Variants in MGST1 observed in about 807,000 individuals in gnomAD.
The protein encoded by MGST1 is glutathione S-transferase 12.
In MGST1, 5 loss-of-function variants were observed where a neutral mutation model predicts 8.9. The ratio of observed to expected loss-of-function variants is 0.56; its 90% CI spans 0.29 to 1.19. The LOEUF (loss-of-function observed/expected upper bound fraction) is 1.19. MGST1 is among the 50% of genes most tolerant of loss of function. The probability of loss-of-function intolerance (pLI) is 0.08; values close to 1 mark genes in which losing one functional copy is unlikely to be tolerated. For synonymous variants in MGST1, 54 were observed against 67.8 expected, an observed-to-expected ratio of 0.80 and a Z score of 1.00; for missense variants, 182 against 187.4, an observed-to-expected ratio of 0.97 and a Z score of 0.17.
chr12:16,357,938 A>G (rs775624326), intron 3 of MGST1, among the ~76,000 whole-genome samples: 4 of 152,202 alleles, frequency 2.6e-5, no homozygotes, highest in Non-Finnish European at 5.9e-5. Flanking sequence ...GTTGCTGTAT[A>G]TAGGGATGTA....
intron 1 of MGST1, among the ~76,000 whole-genome samples, chr12:16,398,731 C>T (rs1261587494): frequency 6.6e-6 from 1 of 152,184 alleles, no homozygotes; most frequent in Non-Finnish European, 1.5e-5. Context: ...ACAAAGGCAC[C>T]AGCCCAATCT....
chr12:16,518,247 C>T (rs562268576), intron 4 of MGST1, among the ~76,000 whole-genome samples: 2 of 152,314 alleles, frequency 1.3e-5, no homozygotes, highest in African/African-American at 4.8e-5. Flanking sequence ...GTGCTGCTAA[C>T]TTATCAAGGT....
intron 4 of MGST1, among the ~76,000 whole-genome samples, chr12:16,475,380 A>G (rs1440732341): frequency 2.0e-5 from 3 of 152,190 alleles, no homozygotes; most frequent in East Asian, 1.9e-4. Flanking sequence ...TGGAGTCTCT[A>G]TGCTATTGGG....
Position 16,410,427 on chromosome 12 carries a change from C to T in MGST1, n.778+26823C>T, listed in dbSNP as rs1008658091. 3.3e-5 allele frequency among the ~76,000 whole-genome samples: 5 copies of T among 151,830 alleles called. No homozygotes were observed. The highest frequency in any genetic ancestry group is 5.9e-5 in the Non-Finnish European group (4 of 67,978). On this transcript the variant is annotated intron_variant and non_coding_transcript_variant, in intron 1 of 1. Transcript: ENST00000359720. The surrounding 1 kb of genome is among the most constrained non-coding windows in gnomAD (Gnocchi z 4.4). ...TCTCACCCGAATTGCTGCAATAGCC[C>T]GTCTGTGTTTTCTAAATCTGCAAAT...
chr12:16,512,424 A>T (rs1941582859), intron 4 of MGST1, among the ~76,000 whole-genome samples: 1 of 152,256 alleles, frequency 6.6e-6, no homozygotes, highest in African/African-American at 2.4e-5. Flanking sequence ...GTTAGAAAAT[A>T]TAGTAATGTT....
chr12:16,586,045 C>G lies in MGST1; in HGVS notation n.483-3483C>G, dbSNP rs1224417729. ...TGCAGCTGTTAATGAAAATCTTCAA[C>G]ACAGGAAAACAGCAAAACCTTGATG... On this transcript the variant is annotated intron_variant and non_coding_transcript_variant, in intron 4 of 4. Coordinates refer to the MGST1 transcript ENST00000538857. This position sits in a 1 kb window ranked among gnomAD's most constrained non-coding sequence, Gnocchi z 4.3. Among the ~76,000 whole-genome samples the G allele has an allele frequency of 6.6e-6, 1 of 152,064 alleles. No individual in the cohort carries two copies. The highest frequency in any genetic ancestry group is 1.5e-5 in the Non-Finnish European group (1 of 68,000).
intron 4 of MGST1, among the ~76,000 whole-genome samples, chr12:16,448,305 A>T (rs1941098460): frequency 6.6e-6 from 1 of 151,872 alleles, no homozygotes; most frequent in East Asian, 1.9e-4. Context: ...GTGAGTCAAG[A>T]ATTAGGGTTC....
In MGST1 at chr12:16,513,831, G is replaced by A; in HGVS notation, n.483-75697G>A. ...CTAGTTTTCTGCAAAGATTTCTTAA[G>A]TTCAGCCAAGATGTCTTTCTGCCCA... On this transcript the variant is annotated intron_variant and non_coding_transcript_variant, in intron 4 of 4. Coordinates refer to the MGST1 transcript ENST00000538857. This position sits in a 1 kb window ranked among gnomAD's most constrained non-coding sequence, Gnocchi z 4.2. 3.3e-6 allele frequency: 2 copies of A among 609,882 alleles called. No individual in the cohort carries two copies. The highest frequency in any genetic ancestry group is 6.4e-6 in the Non-Finnish European group (2 of 314,316). The allele number at this position is 609,882 out of a possible 1,614,324, so 37.8% of individuals were successfully genotyped here. A position where few individuals can be genotyped will look rare whatever the true frequency, so the allele number is the denominator to read the frequency against.
chr12:16,522,044 G>A lies in MGST1; in HGVS notation n.483-67484G>A, dbSNP rs182315899. ...CAATTATTTTTGTAAAGTATTGATCGCAATTTAATTTTGCAGTCCCAACAT... is the reference window on the plus strand; with the variant it reads ...CAATTATTTTTGTAAAGTATTGATCACAATTTAATTTTGCAGTCCCAACAT... On this transcript the variant is annotated intron_variant and non_coding_transcript_variant, in intron 4 of 4. Transcript: ENST00000538857. Among the ~76,000 whole-genome samples, 9 of 152,188 alleles carry A rather than the reference G, an allele frequency of 5.9e-5. No homozygotes were observed. In the East Asian group the frequency reaches 1.2e-3, roughly 20 times the overall value.
rs186433462 is a variant in MGST1, at chr12:16,558,484, A to G, written n.483-31044A>G. Reference sequence around the variant, plus strand: ...AAGACACCTTTAAAATGTATAAAATACATATATACATGCACATAAAGGTGT... The same window carrying G: ...AAGACACCTTTAAAATGTATAAAATGCATATATACATGCACATAAAGGTGT... On this transcript the variant is annotated intron_variant and non_coding_transcript_variant, in intron 4 of 4. Coordinates refer to the MGST1 transcript ENST00000538857. 9.5e-4 allele frequency among the ~76,000 whole-genome samples: 144 copies of G among 152,234 alleles called. 1 individual carries two copies. Among genetic ancestry groups the G allele is most frequent in the African/African-American group, 3.0e-3 (125 of 41,570 alleles).
At chr12:16,519,795 GTT>G (rs1319670414) in intron 4 of MGST1, among the ~76,000 whole-genome samples, 1 of 152,028 alleles carries the variant, frequency 6.6e-6, no homozygotes, top group Non-Finnish European at 1.5e-5. Context: ...TCAGTACTTT[GTT>G]CTGAAGAGGT....
intron 4 of MGST1, among the ~76,000 whole-genome samples, chr12:16,468,268 C>T (rs1047596079): frequency 6.6e-6 from 1 of 152,172 alleles, no homozygotes; most frequent in Non-Finnish European, 1.5e-5. Flanking sequence ...CACAAATAAG[C>T]TTGCTGTTTG....
chr12:16,572,522 G>A (rs1424376109), intron 4 of MGST1, among the ~76,000 whole-genome samples: 1 of 149,706 alleles, frequency 6.7e-6, no homozygotes, highest in East Asian at 1.9e-4. Flanking sequence ...CTATGCCAAA[G>A]TGCCTAGAAT....
At chr12:16,522,166 A>G (rs768741716) in intron 4 of MGST1, among the ~76,000 whole-genome samples, 12 of 151,862 alleles carry the variant, frequency 7.9e-5, no homozygotes, top group Non-Finnish European at 1.6e-4. Context: ...CTATTCCTCC[A>G]CTCTTCATCA....
intron 1 of MGST1, among the ~76,000 whole-genome samples, chr12:16,386,927 TAGC>T (rs1254522104): frequency 6.6e-6 from 1 of 152,218 alleles, no homozygotes; most frequent in African/African-American, 2.4e-5. Flanking sequence ...GTCAGTCACT[TAGC>T]AGCCAGCTTG....
intron 1 of MGST1, among the ~76,000 whole-genome samples, chr12:16,392,233 C>CT (rs1252551397): frequency 6.6e-6 from 1 of 152,106 alleles, no homozygotes; most frequent in Non-Finnish European, 1.5e-5. Context: ...CTCTAGAATT[C>CT]TTTTTTGCGT....
chr12:16,533,957 C>T (rs1941738813), intron 4 of MGST1, among the ~76,000 whole-genome samples: 1 of 152,080 alleles, frequency 6.6e-6, no homozygotes, highest in Non-Finnish European at 1.5e-5. Flanking sequence ...CATCATAGAA[C>T]ATGGCTATTC....
chr12:16,501,115 A>AAAG (rs1165933884), intron 4 of MGST1, among the ~76,000 whole-genome samples: 6 of 151,730 alleles, frequency 4.0e-5, no homozygotes, highest in Non-Finnish European at 8.8e-5. Flanking sequence ...AAAAAAAAAA[A>AAAG]AAAGAAAGAA....
intron 1 of MGST1, chr12:16,402,076 T>C (rs1327905330): frequency 6.4e-7 from 1 of 1,557,884 alleles, no homozygotes; most frequent in Non-Finnish European, 8.9e-7. Context: ...TCAAAGCTAT[T>C]CTTACTACTT....
Sources: gnomAD v4.1 joint callset for allele counts (sites outside exome capture counted in the v4.1 genomes callset) on GRCh38, gnomAD v4.1.1 for gene constraint, Gnocchi (gnomAD v3.1) non-coding constraint, MANE v1.5 for transcripts, NCBI Gene and HGNC (gene_info 2026-07-23, HGNC 2026-07-21) for gene names.